The following SKIC3 variants were observed in gnomAD, a reference collection of about 807,000 sequenced individuals.
SKIC3 encodes the protein SKI3 subunit of superkiller complex, also known as superkiller complex protein 3.
chr5:95,488,313 T>C, the SKIC3 span, among the ~76,000 whole-genome samples: 1 of 152,178 alleles, frequency 6.6e-6, no homozygotes, highest in Non-Finnish European at 1.5e-5. Flanking sequence ...TTTAGACATC[T>C]GAAAACATGA....
At chr5:95,503,110 A>T in the SKIC3 span, 1 of 1,201,976 alleles carries the variant, frequency 8.3e-7, no homozygotes, top group Non-Finnish European at 1.2e-6. Context: ...AAATACAATT[A>T]TATCTTTGTA....
At chr5:95,509,327 G>T in the SKIC3 span, among the ~76,000 whole-genome samples, 1 of 152,138 alleles carries the variant, frequency 6.6e-6, no homozygotes, top group Non-Finnish European at 1.5e-5. Flanking sequence ...AAGGGTGAGG[G>T]GAATGGATTT....
the SKIC3 span, among the ~76,000 whole-genome samples, chr5:95,484,460 C>T: frequency 1.3e-5 from 2 of 151,400 alleles, no homozygotes; most frequent in Non-Finnish European, 2.9e-5. Flanking sequence ...AATTCTCCTG[C>T]CTCAGCCTCT....
At chr5:95,547,586 T>A in the SKIC3 span, among the ~76,000 whole-genome samples, 43 of 152,264 alleles carry the variant, frequency 2.8e-4, no homozygotes, top group Admixed American at 2.8e-3. Context: ...CAGGACCTAG[T>A]ATCTTAAATT....
the SKIC3 span, among the ~76,000 whole-genome samples, chr5:95,487,393 G>A: frequency 1.8e-4 from 28 of 152,160 alleles, no homozygotes; most frequent in African/African-American, 6.3e-4. Context: ...ATCTAATAGA[G>A]GCACAAGAAT....
At chr5:95,485,158 C>T in the SKIC3 span, among the ~76,000 whole-genome samples, 1 of 152,176 alleles carries the variant, frequency 6.6e-6, no homozygotes, top group Non-Finnish European at 1.5e-5. Context: ...TGCACATTTT[C>T]AAACTATACA....
chr5:95,554,270 C>A, the SKIC3 span, among the ~76,000 whole-genome samples: 7 of 152,020 alleles, frequency 4.6e-5, no homozygotes, highest in Non-Finnish European at 1.0e-4. Flanking sequence ...AGTAGTATAA[C>A]TCCTCTTTTA....
the SKIC3 span, among the ~76,000 whole-genome samples, chr5:95,475,204 C>A: frequency 6.6e-6 from 1 of 152,136 alleles, no homozygotes; most frequent in Admixed American, 6.6e-5. Flanking sequence ...AGTTCTTGTG[C>A]TGATTCTTTC....
the SKIC3 span, among the ~76,000 whole-genome samples, chr5:95,531,878 A>T: frequency 6.6e-6 from 1 of 152,130 alleles, no homozygotes; most frequent in Non-Finnish European, 1.5e-5. Context: ...ATGGCATCTG[A>T]TATGTGGTAG....
the SKIC3 span, chr5:95,528,908 T>C: frequency 9.8e-7 from 1 of 1,025,414 alleles, no homozygotes; most frequent in Non-Finnish European, 1.5e-6. Context: ...ATATAGCATT[T>C]TGGTTTTTAA....
the SKIC3 span, among the ~76,000 whole-genome samples, chr5:95,465,601 T>C: frequency 6.6e-6 from 1 of 152,224 alleles, no homozygotes; most frequent in African/African-American, 2.4e-5. Flanking sequence ...ACAGGATTTT[T>C]AGGTCACAGA....
the SKIC3 span, among the ~76,000 whole-genome samples, chr5:95,500,184 G>C: frequency 6.6e-6 from 1 of 152,140 alleles, no homozygotes; most frequent in Non-Finnish European, 1.5e-5. Context: ...TGCTAGGCTA[G>C]AAAAATAAAG....
At chr5:95,490,409 T>C in the SKIC3 span, among the ~76,000 whole-genome samples, 30 of 147,886 alleles carry the variant, frequency 2.0e-4, no homozygotes, top group Admixed American at 1.2e-3. Context: ...TATATATATA[T>C]ACATTATTTA....
At chr5:95,525,762 G>T in the SKIC3 span, 2 of 1,227,666 alleles carry the variant, frequency 1.6e-6, no homozygotes, top group Non-Finnish European at 2.4e-6. Flanking sequence ...ACACAGAAAA[G>T]CATGGTCCTA....
chr5:95,472,292 C>T, the SKIC3 span, among the ~76,000 whole-genome samples: 4 of 152,216 alleles, frequency 2.6e-5, no homozygotes, highest in African/African-American at 9.6e-5. Context: ...CAAGGAGATA[C>T]TCCTGCCTAC....
At chr5:95,543,070 C>T in the SKIC3 span, 258 of 1,294,008 alleles carry the variant, frequency 2.0e-4, 2 homozygotes, top group South Asian at 3.4e-3. Flanking sequence ...TAAATTTTTT[C>T]TTACATGGGG....
the SKIC3 span, chr5:95,514,781 T>A: frequency 6.8e-7 from 1 of 1,480,162 alleles, no homozygotes; most frequent in South Asian, 1.2e-5. Flanking sequence ...GTTACCATTA[T>A]TATCACTGTT....
the SKIC3 span, among the ~76,000 whole-genome samples, chr5:95,466,271 A>G: frequency 6.6e-6 from 1 of 152,220 alleles, no homozygotes; most frequent in East Asian, 1.9e-4. Context: ...AAACTGTCAC[A>G]TGTATTTTAT....
chr5:95,484,715 AT>A, the SKIC3 span: 1 of 1,614,090 alleles, frequency 6.2e-7, no homozygotes, highest in Non-Finnish European at 8.5e-7. Flanking sequence ...TGCACATTCC[AT>A]AAAATACCTT....
Sources: gnomAD v4.1 joint callset for allele counts (sites outside exome capture counted in the v4.1 genomes callset) on GRCh38, gnomAD v4.1.1 for gene constraint, MANE v1.5 for transcripts, NCBI Gene and HGNC (gene_info 2026-07-23, HGNC 2026-07-21) for gene names.